Variants in EYS observed in about 807,000 individuals in gnomAD.
EYS encodes the protein EGF-like photoreceptor maintenance factor.
EYS carries 250 observed loss-of-function variants against 282.1 expected under a neutral mutation model. That is an observed-to-expected ratio of 0.89 (90% CI 0.80 to 0.98). The LOEUF (loss-of-function observed/expected upper bound fraction) is 0.98, where lower values mean the gene tolerates loss of function less well. EYS is among the 50% of genes least tolerant of loss of function. EYS has a pLI of 0.00. For synonymous variants in EYS, 1,355 were observed against 1,282.9 expected (o/e 1.06, Z -1.20); for missense variants, 4,016 against 3,709.0 (o/e 1.08, Z -2.15).
At chr6:64,361,121 A>T (rs2150408614) in intron 29 of EYS, among the ~76,000 whole-genome samples, 1 of 151,854 alleles carries the variant, frequency 6.6e-6, no homozygotes, top group Non-Finnish European at 1.5e-5. Flanking sequence ...ATATGGAACT[A>T]TATATTTTGA....
At chr6:65,012,288 C>A (rs944218818) in intron 13 of EYS, among the ~76,000 whole-genome samples, 6 of 152,108 alleles carry the variant, frequency 3.9e-5, no homozygotes, top group East Asian at 3.9e-4. Flanking sequence ...ATAAGCAGCA[C>A]AAACTTTTTC....
At chr6:63,941,163 T>C (rs1031390055) in intron 35 of EYS, among the ~76,000 whole-genome samples, 3 of 152,160 alleles carry the variant, frequency 2.0e-5, no homozygotes, top group Admixed American at 1.3e-4. Flanking sequence ...TGTGTCTTTA[T>C]AGCAGCGTGA....
At chr6:64,451,487 G>C (rs1393128290) in intron 26 of EYS, among the ~76,000 whole-genome samples, 1 of 152,214 alleles carries the variant, frequency 6.6e-6, no homozygotes, top group South Asian at 2.1e-4. Flanking sequence ...GAAAAAGAGG[G>C]AATCCTCCCT....
At chr6:64,598,146 C>G (rs1351891344) in intron 24 of EYS, among the ~76,000 whole-genome samples, 2 of 152,202 alleles carry the variant, frequency 1.3e-5, no homozygotes, top group Non-Finnish European at 2.9e-5. Flanking sequence ...ATAATGGATA[C>G]AGAATGCATG....
intron 12 of EYS, among the ~76,000 whole-genome samples, chr6:65,263,386 G>A (rs1767668293): frequency 6.6e-6 from 1 of 151,966 alleles, no homozygotes. Context: ...AATATGGAGA[G>A]TGTTGATCAT....
rs199630805 is a variant in EYS at position 64,788,013 on chromosome 6, C to CT, written c.3443+25364dup. ...GAGTATAATAATTATATTTTTGAAG[C>CT]TTTTTTTTCTGTTTCCTACATTGCT... On this transcript the variant is annotated intron_variant, in intron 22 of 42. Transcript: ENST00000503581. 4.2e-3 allele frequency among the ~76,000 whole-genome samples: 635 copies of CT among 151,578 alleles called. 7 individuals carry two copies. Among genetic ancestry groups the CT allele is most frequent in the African/African-American group, 0.015 (609 of 41,322 alleles).
rs537696646 is a variant in EYS at position 65,430,377 on chromosome 6, C to G, written c.863-25010G>C. Among the ~76,000 whole-genome samples the G allele has an allele frequency of 2.0e-5, 3 of 152,240 alleles. No individual in the cohort carries two copies. In the South Asian group the frequency reaches 6.2e-4, roughly 32 times the overall value. ...CCTAGCCAGAGGTGAACCACTAATC[C>G]CAGCAGTCCTGACTTGAGTGCCCAC... On this transcript the variant is annotated intron_variant, in intron 5 of 42. Transcript: ENST00000503581.
At chr6:64,657,631 T>A (rs1292416789) in intron 22 of EYS, among the ~76,000 whole-genome samples, 2 of 152,146 alleles carry the variant, frequency 1.3e-5, no homozygotes, top group Non-Finnish European at 2.9e-5. Flanking sequence ...TTTGGCTGGA[T>A]ATGAAATTCT....
intron 28 of EYS, among the ~76,000 whole-genome samples, chr6:64,394,749 A>T (rs1192897841): frequency 6.6e-6 from 1 of 152,104 alleles, no homozygotes; most frequent in African/African-American, 2.4e-5. Context: ...AAACACCAAA[A>T]GCAATGGCAA....
At chr6:63,784,879 G>A (rs1304090621) in intron 39 of EYS, among the ~76,000 whole-genome samples, 3 of 152,154 alleles carry the variant, frequency 2.0e-5, no homozygotes, top group African/African-American at 7.2e-5. Flanking sequence ...CATGGCAATA[G>A]GGTTATGATG....
chr6:65,133,338 A>G (rs1333485416), intron 12 of EYS, among the ~76,000 whole-genome samples: 1 of 152,064 alleles, frequency 6.6e-6, no homozygotes, highest in African/African-American at 2.4e-5. Context: ...CAACAAAAAA[A>G]CAAAGTTAGA....
At chr6:65,472,319 T>G (rs1765245889) in intron 5 of EYS, among the ~76,000 whole-genome samples, 1 of 152,082 alleles carries the variant, frequency 6.6e-6, no homozygotes, top group South Asian at 2.1e-4. Context: ...CAGATCCATG[T>G]TTTCTCTTGG....
chr6:64,411,931 A>C (rs920656702), intron 28 of EYS, among the ~76,000 whole-genome samples: 1 of 151,558 alleles, frequency 6.6e-6, no homozygotes, highest in Non-Finnish European at 1.5e-5. Flanking sequence ...GCATGTATGT[A>C]TATATGTTTA....
chr6:65,140,735 G>C (rs1488785877), intron 12 of EYS, among the ~76,000 whole-genome samples: 1 of 152,042 alleles, frequency 6.6e-6, no homozygotes, highest in East Asian at 1.9e-4. Context: ...AAAGACACGT[G>C]AAAAAACGCT....
At chr6:64,425,600 G>C (rs1210907143) in intron 28 of EYS, among the ~76,000 whole-genome samples, 8 of 144,972 alleles carry the variant, frequency 5.5e-5, no homozygotes, top group African/African-American at 2.1e-4. Flanking sequence ...GTTGCAGTCA[G>C]CTGAGATCAC....
In EYS at chr6:64,590,471, G is replaced by A; in HGVS notation, c.5396C>T (p.Thr1799Ile). The A allele has an allele frequency of 6.4e-7, 1 of 1,551,436 alleles. No individual in the cohort carries two copies. Among genetic ancestry groups the A allele is most frequent in the African/African-American group, 1.4e-5 (1 of 73,166 alleles). Residue 1799 changes from threonine to isoleucine, a missense_variant, in exon 26 of 43, where the codon ACT (threonine) becomes ATT (isoleucine). By Grantham distance (89) the Thr-to-Ile change is moderately conservative (BLOSUM62 -1). Coordinates refer to ENST00000503581, the MANE Select transcript of EYS (RefSeq NM_001142800.2). ...TNVAFYTVSATPALSIQTSSS... is the reference protein window; with the variant it reads ...TNVAFYTVSAIPALSIQTSSS... ...AGACGTCTGTATTGAAAGTGCTGGA[G>A]TTGCTGAAACTGTATAAAATGCAAC...
At chr6:64,745,825 C>G (rs1772540247) in intron 22 of EYS, among the ~76,000 whole-genome samples, 1 of 152,056 alleles carries the variant, frequency 6.6e-6, no homozygotes, top group Non-Finnish European at 1.5e-5. Flanking sequence ...GAAAGCAGCT[C>G]TAAGTGTAGA....
chr6:63,827,452 C>G (rs940461613), intron 36 of EYS, among the ~76,000 whole-genome samples: 3 of 152,200 alleles, frequency 2.0e-5, no homozygotes, highest in African/African-American at 7.2e-5. Flanking sequence ...TTTCATCCAA[C>G]AACCACAGAA....
intron 41 of EYS, among the ~76,000 whole-genome samples, chr6:63,757,295 T>C (rs1046013721): frequency 3.3e-5 from 5 of 152,014 alleles, no homozygotes; most frequent in African/African-American, 9.7e-5. Context: ...GATGCCCTGG[T>C]TTCCTGCAGT....
Sources: gnomAD v4.1 joint callset for allele counts (sites outside exome capture counted in the v4.1 genomes callset) on GRCh38, gnomAD v4.1.1 for gene constraint, MANE v1.5 for transcripts, NCBI Gene and HGNC (gene_info 2026-07-23, HGNC 2026-07-21) for gene names.